Variants in DPP6 observed in about 807,000 individuals in gnomAD.
DPP6 encodes the protein dipeptidyl peptidase like 6.
A neutral mutation model predicts 122.6 loss-of-function variants in DPP6; 69 were observed. That is an observed-to-expected ratio of 0.56 (90% CI 0.46 to 0.69). DPP6 has a LOEUF of 0.69. Ranked by LOEUF, DPP6 falls within the 30% of genes least tolerant of loss-of-function variation. DPP6 has a pLI of 0.00. For missense variants in DPP6, 928 were observed against 1,116.9 expected, an observed-to-expected ratio of 0.83 and a Z score of 2.41; for synonymous variants, 418 against 433.1, an observed-to-expected ratio of 0.97 and a Z score of 0.43.
intron 16 of DPP6, among the ~76,000 whole-genome samples, chr7:154,830,747 G>A (rs2316527): frequency 0.076 from 11,581 of 152,174 alleles, 491 homozygotes; most frequent in South Asian, 0.15. Context: ...CTATCTATAC[G>A]TCCACATTTG....
rs573281483 is a variant in DPP6, at chr7:154,854,400, G to C, written c.1714+573G>C. ...CGTGGGGGTTTATAGCCAGTGACCAGAGAAAGGGGTCCGTGGATGGAAAAC... is the reference window on the plus strand; with the variant it reads ...CGTGGGGGTTTATAGCCAGTGACCACAGAAAGGGGTCCGTGGATGGAAAAC... On this transcript the variant is annotated intron_variant, in intron 17 of 25. Coordinates refer to ENST00000377770, the MANE Select transcript of DPP6 (RefSeq NM_130797.4). Among the ~76,000 whole-genome samples, 5 of 152,328 alleles carry C rather than the reference G, an allele frequency of 3.3e-5. No homozygotes were observed. In the East Asian group the frequency reaches 9.7e-4, roughly 29 times the overall value.
At chr7:154,754,425 CTAAT>C (rs1217954196) in intron 8 of DPP6, among the ~76,000 whole-genome samples, 2 of 152,184 alleles carry the variant, frequency 1.3e-5, no homozygotes, top group African/African-American at 4.8e-5. Context: ...AAGTCACTGT[CTAAT>C]TAGGATTCTA....
chr7:154,573,642 C>T (rs1191934131), intron 5 of DPP6, among the ~76,000 whole-genome samples: 1 of 152,226 alleles, frequency 6.6e-6, no homozygotes, highest in African/African-American at 2.4e-5. Flanking sequence ...ACATGTTACT[C>T]TTAGCCGATA....
rs376302817 is a variant in DPP6 at position 154,563,711 on chromosome 7, A to G, written c.553-3131A>G. On this transcript the variant is annotated intron_variant, in intron 4 of 25. Coordinates refer to ENST00000377770, the MANE Select transcript of DPP6 (RefSeq NM_130797.4). ...ACTATCTGAGAAGAGGAAAAAGGTT[A>G]CAGGAGCTGGAGGTGTGGGAGTGGA... is the stretch of plus-strand genomic sequence containing the variant. Among the ~76,000 whole-genome samples, 3 of 152,288 alleles carry G rather than the reference A, an allele frequency of 2.0e-5. No individual in the cohort carries two copies. In the East Asian group the frequency reaches 5.8e-4, roughly 29 times the overall value.
At chr7:153,806,445 T>C in the DPP6 span, among the ~76,000 whole-genome samples, 6 of 151,596 alleles carry the variant, frequency 4.0e-5, no homozygotes, top group Non-Finnish European at 8.8e-5. Flanking sequence ...TCAGTCCCTG[T>C]TCAAGGCACC....
chr7:154,644,707 T>G (rs1198834442), intron 6 of DPP6, among the ~76,000 whole-genome samples: 1 of 6,808 alleles, frequency 1.5e-4, no homozygotes, highest in Non-Finnish European at 4.3e-4. Flanking sequence ...TTAAAATGGC[T>G]TTTTTTTTTT....
At chr7:154,855,100 G>A (rs973661139) in intron 17 of DPP6, among the ~76,000 whole-genome samples, 6 of 152,088 alleles carry the variant, frequency 3.9e-5, no homozygotes, top group East Asian at 1.9e-4. Flanking sequence ...AGGCGGCGGC[G>A]GTGAGGCGCA....
At chr7:154,019,446 C>T (rs1471320625) in intron 1 of DPP6, among the ~76,000 whole-genome samples, 1 of 150,578 alleles carries the variant, frequency 6.6e-6, no homozygotes, top group Admixed American at 6.6e-5. Flanking sequence ...CTCTCTCTTC[C>T]TTCCCTCCTT....
the DPP6 span, among the ~76,000 whole-genome samples, chr7:153,794,920 C>T: frequency 6.6e-6 from 1 of 152,120 alleles, no homozygotes; most frequent in Non-Finnish European, 1.5e-5. Context: ...GTGCCTTTCA[C>T]CTCCTGCCAT....
At chr7:154,635,360 G>A (rs539545356) in intron 5 of DPP6, among the ~76,000 whole-genome samples, 2 of 151,948 alleles carry the variant, frequency 1.3e-5, no homozygotes, top group African/African-American at 4.8e-5. Flanking sequence ...TCCTCTGAGT[G>A]CTTCAGTCTG....
chr7:154,724,193 A>G (rs1286212305), intron 7 of DPP6, among the ~76,000 whole-genome samples: 1 of 152,102 alleles, frequency 6.6e-6, no homozygotes, highest in Non-Finnish European at 1.5e-5. Context: ...TGTAATATGT[A>G]TCAAAATCTG....
At chr7:153,946,056 G>A (rs1225696285) in intron 1 of DPP6, among the ~76,000 whole-genome samples, 1 of 152,134 alleles carries the variant, frequency 6.6e-6, no homozygotes, top group Admixed American at 6.5e-5. Context: ...CAGAGGCACA[G>A]ACACAAGAAA....
the DPP6 span, among the ~76,000 whole-genome samples, chr7:153,775,454 A>G: frequency 1.3e-5 from 2 of 151,780 alleles, no homozygotes; most frequent in South Asian, 4.2e-4. Flanking sequence ...CTTAATGATG[A>G]AAACTGAGTG....
At chr7:154,205,006 C>T (rs1006597402) in intron 1 of DPP6, among the ~76,000 whole-genome samples, 2 of 152,196 alleles carry the variant, frequency 1.3e-5, no homozygotes, top group African/African-American at 2.4e-5. Context: ...CCAATCTTTA[C>T]ATTTTAATAA....
At position 154,099,471 on chromosome 7, in the gene DPP6, G is replaced by A. The variant is rs1273810655; in HGVS notation, c.243+46408G>A. On this transcript the variant is annotated intron_variant, in intron 1 of 25. Coordinates refer to ENST00000377770, the MANE Select transcript of DPP6 (RefSeq NM_130797.4). ...AAAAAAATCAGGGAATGAATATAGA[G>A]GGTCAGGGAAATGGCTTAAAATTAT... 2.6e-5 allele frequency among the ~76,000 whole-genome samples: 4 copies of A among 152,222 alleles called. 1 individual carries two copies. The highest frequency in any genetic ancestry group is 9.6e-5 in the African/African-American group (4 of 41,528).
chr7:154,452,454 GCA>G (rs1161386701), intron 2 of DPP6, among the ~76,000 whole-genome samples: 5 of 152,194 alleles, frequency 3.3e-5, no homozygotes, highest in Admixed American at 2.6e-4. Flanking sequence ...GCATATGTTT[GCA>G]CACAGTGTTG....
At chr7:154,647,599 T>G (rs1836570068) in intron 6 of DPP6, among the ~76,000 whole-genome samples, 1 of 152,206 alleles carries the variant, frequency 6.6e-6, no homozygotes, top group African/African-American at 2.4e-5. Context: ...CAACCTCACA[T>G]GTGCCCTGGG....
chr7:154,266,466 C>A (rs1433006740), intron 1 of DPP6, among the ~76,000 whole-genome samples: 3 of 152,132 alleles, frequency 2.0e-5, no homozygotes, highest in Non-Finnish European at 4.4e-5. Flanking sequence ...GTAATCCCAG[C>A]TACTCGGGAA....
At chr7:154,409,907 C>T (rs1242692040) in intron 1 of DPP6, among the ~76,000 whole-genome samples, 2 of 152,192 alleles carry the variant, frequency 1.3e-5, no homozygotes, top group African/African-American at 4.8e-5. Flanking sequence ...AGTCGCTCTC[C>T]AAGGTCCTGA....
Sources: gnomAD v4.1 joint callset for allele counts (sites outside exome capture counted in the v4.1 genomes callset) on GRCh38, gnomAD v4.1.1 for gene constraint, MANE v1.5 for transcripts, NCBI Gene and HGNC (gene_info 2026-07-23, HGNC 2026-07-21) for gene names.